The following RAB28 variants were observed in gnomAD, a reference collection of about 807,000 sequenced individuals.
RAB28 encodes the protein RAB28, member RAS oncogene family, also known as ras-related protein Rab-28.
A neutral mutation model predicts 31.7 loss-of-function variants in RAB28; 24 were observed. The ratio of observed to expected loss-of-function variants is 0.76; its 90% CI spans 0.55 to 1.06. The LOEUF (loss-of-function observed/expected upper bound fraction) is 1.06, where lower values mean the gene tolerates loss of function less well. Among genes scored for constraint, RAB28 ranks in the 50% least tolerant of loss-of-function variants. The pLI is 0.00. For synonymous variants in RAB28, 100 were observed against 90.4 expected (o/e 1.11, Z -0.60); for missense variants, 254 against 258.5 (o/e 0.98, Z 0.12).
intron 4 of RAB28, 68 bp downstream of exon 4, chr4:13,460,631 G>A: frequency 1.3e-6 from 2 of 1,586,118 alleles, no homozygotes; most frequent in Non-Finnish European, 1.7e-6. Flanking sequence ...GGTGGTGGGG[G>A]GACACAAACA....
intron 1 of RAB28, 70 bp downstream of exon 1, chr4:13,484,006 G>T: frequency 7.0e-7 from 1 of 1,421,930 alleles, no homozygotes; most frequent in South Asian, 1.2e-5. Flanking sequence ...GACGCCGGGC[G>T]GCGGGGAGGA....
At position 13,484,217 on chromosome 4, in the gene RAB28, C is replaced by CG; in HGVS notation, c.-68dup. ...AAGGGAAGGATGAAGGCTCCGGGGG[C>CG]GGGGGAGAGGAGGAAGGGAGGTAGT... On this transcript the variant is annotated 5_prime_UTR_variant, in exon 1 of 7. Transcript: ENST00000330852. 7 of 1,303,866 alleles carry CG rather than the reference C, an allele frequency of 5.4e-6. No individual in the cohort carries two copies. The highest frequency in any genetic ancestry group is 3.7e-4 in the Middle Eastern group (2 of 5,340). The allele number at this position is 1,303,866 out of a possible 1,614,324, so 80.8% of individuals were successfully genotyped here.
At chr4:13,403,132 T>C (rs1002619361) in intron 4 of RAB28, among the ~76,000 whole-genome samples, 1 of 152,194 alleles carries the variant, frequency 6.6e-6, no homozygotes, top group African/African-American at 2.4e-5. Flanking sequence ...TAATGAATTC[T>C]GCTTTTTTAG....
intron 4 of RAB28, 72 bp downstream of exon 4, chr4:13,460,627 G>A: frequency 1.3e-6 from 2 of 1,568,814 alleles, no homozygotes; most frequent in South Asian, 1.1e-5. Context: ...TGGGGGTGGT[G>A]GGGGGACACA....
At chr4:13,461,901 C>A (rs1715608946) in intron 3 of RAB28, among the ~76,000 whole-genome samples, 1 of 152,122 alleles carries the variant, frequency 6.6e-6, no homozygotes, top group South Asian at 2.1e-4. Flanking sequence ...AATCCTCACA[C>A]CAATCATGAA....
intron 4 of RAB28, among the ~76,000 whole-genome samples, chr4:13,435,023 AAAAAAAAAAAAAGAAAAG>A (rs1426019068): frequency 1.3e-5 from 2 of 150,188 alleles, no homozygotes; most frequent in East Asian, 1.9e-4. Flanking sequence ...GTCTCAAAAA[AAAAAAAAAAAAAGAAAAG>A]AAAAAGAAAA....
At chr4:13,382,868 T>C (rs919432051) in intron 4 of RAB28, among the ~76,000 whole-genome samples, 2 of 151,898 alleles carry the variant, frequency 1.3e-5, no homozygotes, top group African/African-American at 4.8e-5. Flanking sequence ...CCGGCTAATT[T>C]TTTGTATTTT....
intron 6 of RAB28, among the ~76,000 whole-genome samples, chr4:13,372,700 A>G (rs773818272): frequency 3.9e-5 from 6 of 152,098 alleles, no homozygotes; most frequent in Non-Finnish European, 7.4e-5. Context: ...TACTGGAGAA[A>G]ATGATCGTAA....
intron 2 of RAB28, among the ~76,000 whole-genome samples, chr4:13,474,936 G>A (rs1009347838): frequency 5.3e-5 from 8 of 151,310 alleles, no homozygotes; most frequent in African/African-American, 1.5e-4. Context: ...AGCTACTATC[G>A]GATATGGCAA....
At chr4:13,412,581 G>C (rs568028501) in intron 4 of RAB28, among the ~76,000 whole-genome samples, 1 of 152,192 alleles carries the variant, frequency 6.6e-6, no homozygotes, top group African/African-American at 2.4e-5. Flanking sequence ...GGGGGAGTAG[G>C]AGGAGGGTGA....
rs1014358923 is a variant in RAB28, at chr4:13,389,573, C to T, written c.392-7979G>A. On this transcript the variant is annotated intron_variant, in intron 4 of 6. Transcript: ENST00000330852. ...TACAAAAGTAAATAGTATAATGACTCTTGAAGTACTCATCACTTACCCTCA... is the reference window on the plus strand; with the variant it reads ...TACAAAAGTAAATAGTATAATGACTTTTGAAGTACTCATCACTTACCCTCA... Among the ~76,000 whole-genome samples, 4 of 152,202 alleles carry T rather than the reference C, an allele frequency of 2.6e-5. No homozygotes were observed. In the East Asian group the frequency reaches 7.7e-4, roughly 29 times the overall value.
intron 4 of RAB28, among the ~76,000 whole-genome samples, chr4:13,396,016 GA>G (rs34550846): frequency 0.016 from 2,456 of 150,146 alleles, 72 homozygotes; most frequent in African/African-American, 0.056. Context: ...GCTGTCGATG[GA>G]AAAAAAAATT....
chr4:13,371,566 G>A, intron 6 of RAB28: 2 of 985,158 alleles, frequency 2.0e-6, no homozygotes, highest in African/African-American at 1.7e-5. Flanking sequence ...GAATTAACAA[G>A]ACAGCATCAT....
chr4:13,474,172 C>T (rs752258406), intron 3 of RAB28, 146 bp downstream of exon 3: 2 of 765,142 alleles, frequency 2.6e-6, no homozygotes, highest in African/African-American at 3.4e-5. Context: ...AACCAAAGAA[C>T]TAGCACAAAT....
At chr4:13,461,785 C>T (rs747173099) in intron 3 of RAB28, among the ~76,000 whole-genome samples, 2 of 152,150 alleles carry the variant, frequency 1.3e-5, no homozygotes, top group Admixed American at 6.6e-5. Context: ...ACAGTATAAG[C>T]CCGGACCCTA....
At chr4:13,450,314 T>A (rs1714898806) in intron 4 of RAB28, among the ~76,000 whole-genome samples, 1 of 151,878 alleles carries the variant, frequency 6.6e-6, no homozygotes, top group South Asian at 2.1e-4. Flanking sequence ...ATAAAATCCA[T>A]GAAATTTTAT....
chr4:13,468,809 T>A, intron 3 of RAB28, among the ~76,000 whole-genome samples: 3 of 149,666 alleles, frequency 2.0e-5, no homozygotes, highest in African/African-American at 2.5e-5. Context: ...TCAATAAAAT[T>A]GACAAACCTC....
intron 2 of RAB28, among the ~76,000 whole-genome samples, chr4:13,476,380 T>A (rs1716360712): frequency 6.6e-6 from 1 of 151,708 alleles, no homozygotes; most frequent in Admixed American, 6.6e-5. Flanking sequence ...CTGTTTTTTT[T>A]AACATACAAA....
chr4:13,432,484 GT>G (rs1560290885), intron 4 of RAB28, among the ~76,000 whole-genome samples: 2 of 152,028 alleles, frequency 1.3e-5, no homozygotes, highest in Non-Finnish European at 2.9e-5. Context: ...AAGGCATATA[GT>G]TATCAGATTA....
Sources: gnomAD v4.1 joint callset for allele counts (sites outside exome capture counted in the v4.1 genomes callset) on GRCh38, gnomAD v4.1.1 for gene constraint, MANE v1.5 for transcripts, NCBI Gene and HGNC (gene_info 2026-07-23, HGNC 2026-07-21) for gene names.